The following EPHA6 variants were observed in gnomAD, a reference collection of about 807,000 sequenced individuals.
The protein encoded by EPHA6 is EPH receptor A6, also known as ephrin type-A receptor 6.
In EPHA6, 50 loss-of-function variants were observed where a neutral mutation model predicts 112.0. That is an observed-to-expected ratio of 0.45 (90% CI 0.36 to 0.56). EPHA6 has a LOEUF of 0.56. Ranked by LOEUF, EPHA6 falls within the 20% of genes least tolerant of loss-of-function variation. The pLI, the probability that EPHA6 is intolerant of heterozygous loss-of-function variation, is 0.00. For synonymous variants in EPHA6, 529 were observed against 490.7 expected (o/e 1.08, Z -1.03); for missense variants, 1,280 against 1,417.4 (o/e 0.90, Z 1.56).
intron 15 of EPHA6, among the ~76,000 whole-genome samples, chr3:97,723,704 G>A (rs2034630458): frequency 1.4e-5 from 2 of 145,516 alleles, no homozygotes; most frequent in Non-Finnish European, 1.5e-5. Flanking sequence ...GGCCTGGGGG[G>A]TGAAAAAAAA....
At chr3:97,002,780 TAAC>T (rs2043716124) in intron 3 of EPHA6, among the ~76,000 whole-genome samples, 1 of 151,996 alleles carries the variant, frequency 6.6e-6, no homozygotes, top group South Asian at 2.1e-4. Context: ...TTGTATAAAA[TAAC>T]AAATGCATTG....
intron 2 of EPHA6, among the ~76,000 whole-genome samples, chr3:96,939,274 C>G (rs772924299): frequency 5.5e-4 from 84 of 152,158 alleles, no homozygotes; most frequent in Non-Finnish European, 9.8e-4. Flanking sequence ...ATTATTGCCA[C>G]AATTTCAGAG....
chr3:97,297,983 C>T (rs1663978822), intron 5 of EPHA6, among the ~76,000 whole-genome samples: 2 of 152,168 alleles, frequency 1.3e-5, no homozygotes, highest in African/African-American at 2.4e-5. Flanking sequence ...AGAATGGTCT[C>T]GATCTCTTGA....
chr3:97,320,486 C>G (rs1216792459), intron 5 of EPHA6, among the ~76,000 whole-genome samples: 1 of 151,838 alleles, frequency 6.6e-6, no homozygotes, highest in Admixed American at 6.6e-5. Flanking sequence ...AAGGTTCAAA[C>G]TTTTTTCTTG....
At chr3:97,564,047 G>A (rs143476475) in intron 11 of EPHA6, among the ~76,000 whole-genome samples, 3 of 152,230 alleles carry the variant, frequency 2.0e-5, no homozygotes, top group African/African-American at 7.2e-5. Flanking sequence ...ATAGTGAAAT[G>A]TTGATGGAGC....
At position 96,946,490 on chromosome 3, in the gene EPHA6, C is replaced by T. The variant is rs561658296; in HGVS notation, c.451-40840C>T. ...GTTTCCAGCTTCATCCATGTCCCTACAAAGGACATGAACTCATCCTTTTTT... is the reference window on the plus strand; with the variant it reads ...GTTTCCAGCTTCATCCATGTCCCTATAAAGGACATGAACTCATCCTTTTTT... On this transcript the variant is annotated intron_variant, in intron 2 of 17. Transcript: ENST00000389672. Among the ~76,000 whole-genome samples the T allele has an allele frequency of 8.3e-4, 127 of 152,264 alleles. 1 individual carries two copies. Among genetic ancestry groups the T allele is most frequent in the African/African-American group, 2.8e-3 (118 of 41,556 alleles).
intron 3 of EPHA6, among the ~76,000 whole-genome samples, chr3:97,172,645 C>T (rs1478064680): frequency 2.0e-5 from 3 of 151,922 alleles, no homozygotes; most frequent in South Asian, 2.1e-4. Flanking sequence ...TCGCTTCTGG[C>T]CCATGAATAT....
chr3:97,247,825 A>T (rs2079027178), intron 5 of EPHA6, among the ~76,000 whole-genome samples: 1 of 151,962 alleles, frequency 6.6e-6, no homozygotes, highest in African/African-American at 2.4e-5. Flanking sequence ...GACTAATAAG[A>T]TTGCTCATGA....
intron 9 of EPHA6, among the ~76,000 whole-genome samples, chr3:97,483,240 A>G (rs2091606303): frequency 6.6e-6 from 1 of 152,236 alleles, no homozygotes; most frequent in South Asian, 2.1e-4. Context: ...AACTGCCTGT[A>G]GGCTGTGAGC....
chr3:97,642,729 A>C (rs542137744), intron 14 of EPHA6, among the ~76,000 whole-genome samples: 1 of 151,856 alleles, frequency 6.6e-6, no homozygotes, highest in South Asian at 2.1e-4. Flanking sequence ...GCGAGAAGGG[A>C]AGTTTAGAGA....
In EPHA6 at chr3:97,735,909, A is replaced by T; in HGVS notation, c.2935-16A>T. On this transcript the variant is annotated splice_polypyrimidine_tract_variant and intron_variant, in intron 15 of 17. Transcript: ENST00000389672. ...GCCTAAAAATAAGAGAGTAATCTGT[A>T]TATGTTTGCATTTAGGTCATTCTGT... 6.3e-7 allele frequency: 1 copy of T among 1,586,748 alleles called. No homozygotes were observed. Among genetic ancestry groups the T allele is most frequent in the Non-Finnish European group, 8.6e-7 (1 of 1,162,972 alleles).
chr3:97,610,876 G>C (rs752003020), intron 13 of EPHA6, 22 bp downstream of exon 13: 1 of 1,567,184 alleles, frequency 6.4e-7, no homozygotes, highest in African/African-American at 1.4e-5. Context: ...TTTTCTGATG[G>C]CATTTAAATA....
chr3:96,888,236 C>T (rs2037749006), intron 2 of EPHA6, among the ~76,000 whole-genome samples: 1 of 152,146 alleles, frequency 6.6e-6, no homozygotes, highest in African/African-American at 2.4e-5. Context: ...TGCTTGGCGA[C>T]CCAGCGAGCT....
chr3:97,567,951 G>T (rs934067710), intron 11 of EPHA6, among the ~76,000 whole-genome samples: 1 of 152,110 alleles, frequency 6.6e-6, no homozygotes, highest in Non-Finnish European at 1.5e-5. Context: ...TAATAATTTT[G>T]GTGGGCTTTG....
chr3:97,317,728 C>T (rs2081913211), intron 5 of EPHA6, among the ~76,000 whole-genome samples: 2 of 151,806 alleles, frequency 1.3e-5, no homozygotes, highest in Admixed American at 1.3e-4. Context: ...CCTTCAGGAC[C>T]TATAGTGGGA....
intron 3 of EPHA6, among the ~76,000 whole-genome samples, chr3:97,061,179 A>G (rs6438913): frequency 0.14 from 21,712 of 152,128 alleles, 2,708 homozygotes; most frequent in African/African-American, 0.34. Flanking sequence ...TATGTGGTAT[A>G]TAGATTTTAT....
intron 7 of EPHA6, chr3:97,466,589 G>GT: frequency 1.5e-6 from 1 of 679,804 alleles, no homozygotes; most frequent in Non-Finnish European, 2.7e-6. Flanking sequence ...TCTCTGATGG[G>GT]TTTGTCTTCA....
chr3:96,933,271 G>C (rs1358360314), intron 2 of EPHA6, among the ~76,000 whole-genome samples: 2 of 152,110 alleles, frequency 1.3e-5, no homozygotes, highest in East Asian at 3.8e-4. Context: ...AGGGAAAGAA[G>C]AAGAAAGTAG....
chr3:97,296,586 C>G (rs2080882819), intron 5 of EPHA6, among the ~76,000 whole-genome samples: 4 of 152,136 alleles, frequency 2.6e-5, no homozygotes, highest in Admixed American at 1.3e-4. Context: ...GCAGTTGGCT[C>G]TCAGGCTCTG....
Sources: gnomAD v4.1 joint callset for allele counts (sites outside exome capture counted in the v4.1 genomes callset) on GRCh38, gnomAD v4.1.1 for gene constraint, MANE v1.5 for transcripts, NCBI Gene and HGNC (gene_info 2026-07-23, HGNC 2026-07-21) for gene names.